Variants in SLC9A7 observed in about 807,000 individuals in gnomAD.
SLC9A7 encodes sodium/hydrogen exchanger 7.
SLC9A7 carries 19 observed loss-of-function variants against 52.6 expected under a neutral mutation model. The observed-to-expected ratio is 0.36, with a 90% confidence interval of 0.25 to 0.53. The LOEUF (loss-of-function observed/expected upper bound fraction) is 0.53. SLC9A7 is among the 20% of genes least tolerant of loss of function. SLC9A7 has a pLI of 0.91. For missense variants in SLC9A7, 455 were observed against 597.9 expected (o/e 0.76, Z 2.49); for synonymous variants, 226 against 252.1 (o/e 0.90, Z 0.98).
chrX:46,737,601 T>C (rs892242319), intron 1 of SLC9A7, among the ~76,000 whole-genome samples: 4 of 112,155 alleles, frequency 3.6e-5, no homozygotes, highest in Non-Finnish European at 7.5e-5. Flanking sequence ...CAGAAGTCTG[T>C]TTATTAGTAT....
At chrX:46,660,766 G>A (rs1211141349) in intron 7 of SLC9A7, among the ~76,000 whole-genome samples, 11 of 108,244 alleles carry the variant, frequency 1.0e-4, no homozygotes, top group African/African-American at 3.8e-4. Context: ...CTTTTACACT[G>A]TTGGTGGGAC....
chrX:46,642,879 G>C (rs1291688010), intron 12 of SLC9A7, among the ~76,000 whole-genome samples: 1 of 111,652 alleles, frequency 9.0e-6, no homozygotes, highest in Non-Finnish European at 1.9e-5. Flanking sequence ...CATTTCAAAG[G>C]AACATGAAAT....
intron 14 of SLC9A7, among the ~76,000 whole-genome samples, chrX:46,625,961 A>G (rs1943121271): frequency 9.0e-6 from 1 of 111,184 alleles, no homozygotes; most frequent in South Asian, 3.7e-4. Context: ...AAGCAGAGAA[A>G]CCAGCTGAGC....
intron 15 of SLC9A7, among the ~76,000 whole-genome samples, chrX:46,616,091 C>T (rs145725586): frequency 1.1e-3 from 117 of 107,056 alleles, no homozygotes; most frequent in South Asian, 3.8e-3. Context: ...GAGGCTAAGG[C>T]AGGCAGATGG....
chrX:46,695,914 G>A (rs1266782138), intron 1 of SLC9A7, among the ~76,000 whole-genome samples: 1 of 111,551 alleles, frequency 9.0e-6, no homozygotes, highest in Admixed American at 9.6e-5. Flanking sequence ...TTGGACATGA[G>A]AAAACATTTC....
chrX:46,748,364 A>AAGGAAGGAAGG (rs1921956088), intron 1 of SLC9A7, among the ~76,000 whole-genome samples: 8 of 51,264 alleles, frequency 1.6e-4, no homozygotes, highest in Admixed American at 5.6e-4. Flanking sequence ...AAAAAGAAAG[A>AAGGAAGGAAGG]AAGGAAGGAA....
intron 15 of SLC9A7, among the ~76,000 whole-genome samples, chrX:46,614,687 C>A (rs1942915586): frequency 1.8e-5 from 2 of 111,991 alleles, no homozygotes; most frequent in Non-Finnish European, 1.9e-5. Context: ...TCAGCGCTAC[C>A]AAACGCACAG....
At position 46,648,701 on chromosome X, in the gene SLC9A7, T is replaced by A; in HGVS notation, c.1447A>T (p.Met483Leu). Residue 483 changes from methionine to leucine, a missense_variant, in exon 11 of 17, where the codon ATG becomes TTG. By Grantham distance (15) the Met-to-Leu change is conservative. Around this residue, in one of 3 missense-constraint regions of SLC9A7, gnomAD observed 304 missense variants for 417.8 expected, o/e 0.73. Transcript: ENST00000616978. ...RHKIGWNFQH[M>L]MMFSGLRGAM... ...GCCTTTTTACCTGAAAACATCATCA[T>A]GTGTTGAAAATTCCAGCCAATCTTA... 1 of 1,205,369 alleles carries A rather than the reference T, an allele frequency of 8.3e-7. No homozygotes were observed. The highest frequency in any genetic ancestry group is 1.1e-6 in the Non-Finnish European group (1 of 889,705).
At chrX:46,712,376 A>G (rs1005303019) in intron 1 of SLC9A7, among the ~76,000 whole-genome samples, 1 of 110,868 alleles carries the variant, frequency 9.0e-6, no homozygotes, top group Admixed American at 9.6e-5. Flanking sequence ...AGAGGGAGCA[A>G]GTGAGAGAGT....
Position 46,680,915 on chromosome X carries a change from G to A in SLC9A7, c.526-1160C>T, listed in dbSNP as rs1320119648. Among the ~76,000 whole-genome samples the A allele has an allele frequency of 2.7e-5, 3 of 112,164 alleles. No individual in the cohort carries two copies. The Admixed American group carries it at 2.8e-4, about 11-fold the overall frequency. Reference sequence around the variant, plus strand: ...AAGAGTGTTCTGCAAAGCAGGGAATGTCAGAATGAGAAGGAGCCTTGGACA... The same window carrying A: ...AAGAGTGTTCTGCAAAGCAGGGAATATCAGAATGAGAAGGAGCCTTGGACA... On this transcript the variant is annotated intron_variant, in intron 2 of 16. Transcript: ENST00000616978.
intron 16 of SLC9A7, 122 bp from the exon 17 acceptor site, chrX:46,607,325 C>T (rs2072840): frequency 0.24 from 198,636 of 818,556 alleles, 22,031 homozygotes; most frequent in African/African-American, 0.63. Flanking sequence ...AACTTGCCTG[C>T]CTTGAGCCTC....
intron 3 of SLC9A7, among the ~76,000 whole-genome samples, chrX:46,678,163 G>C (rs2146859264): frequency 9.0e-6 from 1 of 110,714 alleles, no homozygotes. Context: ...AACTGACCTA[G>C]CTAGAGTTTA....
chrX:46,693,443 T>C (rs1944408100), intron 1 of SLC9A7, among the ~76,000 whole-genome samples: 1 of 111,602 alleles, frequency 9.0e-6, no homozygotes, highest in Admixed American at 9.6e-5. Flanking sequence ...TTATGGTTAA[T>C]TGATTTTCGA....
At chrX:46,701,031 C>T (rs1202183439) in intron 1 of SLC9A7, among the ~76,000 whole-genome samples, 1 of 111,816 alleles carries the variant, frequency 8.9e-6, no homozygotes, top group Non-Finnish European at 1.9e-5. Context: ...TCCTAAGGCA[C>T]TAACCAAGAA....
intron 16 of SLC9A7, among the ~76,000 whole-genome samples, chrX:46,612,103 C>T (rs745814226): frequency 2.9e-4 from 32 of 112,194 alleles, no homozygotes; most frequent in African/African-American, 4.5e-4. Context: ...ACTGTGGGCC[C>T]GGGGCCAACT....
chrX:46,665,498 A>T (rs977190491), intron 5 of SLC9A7, among the ~76,000 whole-genome samples: 2 of 100,661 alleles, frequency 2.0e-5, no homozygotes, highest in African/African-American at 3.8e-5. Flanking sequence ...CAGGTGGCAC[A>T]TTTGAACCAA....
intron 1 of SLC9A7, chrX:46,725,206 C>T: frequency 1.0e-6 from 1 of 964,611 alleles, no homozygotes; most frequent in South Asian, 1.9e-5. Flanking sequence ...ACCAGAACTC[C>T]ATCCTTGTTT....
At chrX:46,665,832 A>C (rs946293672) in intron 5 of SLC9A7, among the ~76,000 whole-genome samples, 2 of 110,147 alleles carry the variant, frequency 1.8e-5, no homozygotes, top group Non-Finnish European at 3.8e-5. Flanking sequence ...CTGCCTAGGA[A>C]GGCACCATGG....
intron 12 of SLC9A7, among the ~76,000 whole-genome samples, chrX:46,641,571 C>T (rs1943406618): frequency 9.0e-6 from 1 of 111,698 alleles, no homozygotes; most frequent in South Asian, 3.8e-4. Flanking sequence ...AAAGATGGTA[C>T]CATCTTATGT....
Sources: gnomAD v4.1 joint callset for allele counts (sites outside exome capture counted in the v4.1 genomes callset) on GRCh38, gnomAD v4.1.1 for gene constraint, gnomAD v4.1.1 regional missense constraint, MANE v1.5 for transcripts, NCBI Gene and HGNC (gene_info 2026-07-23, HGNC 2026-07-21) for gene names.